Variants in SLC25A26 observed in about 807,000 individuals in gnomAD.
SLC25A26 encodes the protein solute carrier family 25 member 26.
SLC25A26 carries 36 observed loss-of-function variants against 37.8 expected under a neutral mutation model. That is an observed-to-expected ratio of 0.95 (90% confidence interval 0.73 to 1.26). The LOEUF (loss-of-function observed/expected upper bound fraction) is 1.26, where lower values mean the gene tolerates loss of function less well. SLC25A26 is among the 50% of genes most tolerant of loss of function. The pLI, the probability that SLC25A26 is intolerant of heterozygous loss-of-function variation, is 0.00. For missense variants in SLC25A26, 390 were observed against 331.1 expected (o/e 1.18, Z -1.38); for synonymous variants, 129 against 122.5 (o/e 1.05, Z -0.35).
chr3:66,207,886 C>T (rs2071201307), intron 1 of SLC25A26, among the ~76,000 whole-genome samples: 1 of 152,090 alleles, frequency 6.6e-6, no homozygotes, highest in Non-Finnish European at 1.5e-5. Context: ...ATTGCTATTA[C>T]CCAATTGTTG....
At chr3:66,288,642 C>G (rs2074597483) in intron 5 of SLC25A26, among the ~76,000 whole-genome samples, 1 of 152,112 alleles carries the variant, frequency 6.6e-6, no homozygotes, top group Non-Finnish European at 1.5e-5. Flanking sequence ...CATGTCCCTG[C>G]AAAGGACATG....
intron 1 of SLC25A26, among the ~76,000 whole-genome samples, chr3:66,147,061 T>TCCCTCCCCTTCCCTTCCCTC (rs1559550336): frequency 1.5e-5 from 1 of 68,566 alleles, no homozygotes; most frequent in Non-Finnish European, 2.8e-5. Context: ...TCCCTTCCCT[T>TCCCTCCCCTTCCCTTCCCTC]CCCTCCCCTT....
chr3:66,293,335 C>G (rs1482481957), intron 5 of SLC25A26: 1 of 152,038 alleles, frequency 6.6e-6, no homozygotes, highest in Non-Finnish European at 1.5e-5. Context: ...ATCATATACA[C>G]CAAACACCCC....
At chr3:66,334,302 CTTTG>C (rs1419881490) in intron 5 of SLC25A26, among the ~76,000 whole-genome samples, 2 of 151,728 alleles carry the variant, frequency 1.3e-5, no homozygotes, top group Non-Finnish European at 2.9e-5. Flanking sequence ...TGAACAGAAG[CTTTG>C]TTTGTTTCTT....
intron 5 of SLC25A26, among the ~76,000 whole-genome samples, chr3:66,344,226 G>C (rs1362419438): frequency 2.0e-5 from 3 of 152,048 alleles, no homozygotes; most frequent in African/African-American, 7.3e-5. Context: ...ACAATACCAG[G>C]CCAAGGTGGG....
chr3:66,177,694 T>G lies in SLC25A26; in HGVS notation c.-353-43048T>G, dbSNP rs895443648. ...GACCTGAACACTGTATGAAACCACC[T>G]TAGGTTGTGGACTCATCCTTTGAAG... is the stretch of plus-strand genomic sequence containing the variant. On this transcript the variant is annotated intron_variant, in intron 1 of 10. Coordinates refer to the SLC25A26 transcript ENST00000676754. Among the ~76,000 whole-genome samples, 11 of 152,222 alleles carry G rather than the reference T, an allele frequency of 7.2e-5. No homozygotes were observed. The South Asian group carries it at 1.2e-3, about 17-fold the overall frequency.
At chr3:66,358,723 C>T (rs1016138121) in intron 6 of SLC25A26, among the ~76,000 whole-genome samples, 2 of 152,172 alleles carry the variant, frequency 1.3e-5, no homozygotes, top group Non-Finnish European at 2.9e-5. Flanking sequence ...AACTCTTGGC[C>T]TCAAGTGATC....
intron 5 of SLC25A26, among the ~76,000 whole-genome samples, chr3:66,344,931 A>G (rs963439517): frequency 2.4e-4 from 36 of 152,184 alleles, no homozygotes; most frequent in African/African-American, 8.7e-4. Context: ...GGCGTTACAC[A>G]GCGTCTTTGA....
At chr3:66,156,278 G>A (rs997774848) in intron 1 of SLC25A26, among the ~76,000 whole-genome samples, 6 of 152,186 alleles carry the variant, frequency 3.9e-5, no homozygotes, top group African/African-American at 9.7e-5. Flanking sequence ...AGATGCTGGG[G>A]TTACAGCAGT....
In SLC25A26 at chr3:66,274,065, G is replaced by C. The variant is rs547777579; in HGVS notation, c.453+10686G>C. On this transcript the variant is annotated intron_variant, in intron 5 of 9. Transcript: ENST00000354883. ...ACCAAAACAGAGATATAGATCAGTG[G>C]AACAGAACAGAGCCCTCAGAAATAA... Among the ~76,000 whole-genome samples, 16 of 152,206 alleles carry C rather than the reference G, an allele frequency of 1.1e-4. No individual in the cohort carries two copies. The East Asian group carries it at 2.5e-3, about 24-fold the overall frequency.
intron 1 of SLC25A26, among the ~76,000 whole-genome samples, chr3:66,183,569 G>A (rs2070758457): frequency 6.6e-6 from 1 of 151,654 alleles, no homozygotes; most frequent in Admixed American, 6.6e-5. Context: ...GTTGACCCTG[G>A]ACATATACCT....
At chr3:66,319,962 G>A (rs1478836956) in intron 5 of SLC25A26, among the ~76,000 whole-genome samples, 1 of 151,820 alleles carries the variant, frequency 6.6e-6, no homozygotes, top group African/African-American at 2.4e-5. Flanking sequence ...GGTCAGGCTG[G>A]TCTCAAACTC....
At chr3:66,228,533 CTT>C (rs923575646) in intron 1 of SLC25A26, among the ~76,000 whole-genome samples, 19 of 152,204 alleles carry the variant, frequency 1.2e-4, no homozygotes, top group African/African-American at 4.3e-4. Flanking sequence ...AATCAGGTGT[CTT>C]TTACATGCTT....
chr3:66,360,306 A>T (rs2076668294), intron 6 of SLC25A26, among the ~76,000 whole-genome samples: 1 of 152,200 alleles, frequency 6.6e-6, no homozygotes, highest in African/African-American at 2.4e-5. Context: ...CATTTAAATT[A>T]ATATATTAAA....
At chr3:66,159,945 C>T (rs1027534783) in intron 1 of SLC25A26, among the ~76,000 whole-genome samples, 1 of 152,064 alleles carries the variant, frequency 6.6e-6, no homozygotes, top group Non-Finnish European at 1.5e-5. Context: ...TGGGTCTTGG[C>T]CCTGATTCGC....
intron 3 of SLC25A26, among the ~76,000 whole-genome samples, chr3:66,247,829 C>G (rs55835108): frequency 0.045 from 6,898 of 152,136 alleles, 182 homozygotes; most frequent in Non-Finnish European, 0.061. Flanking sequence ...AGAAGATAAA[C>G]TTTTGATTTC....
At chr3:66,265,275 C>G (rs551544871) in intron 5 of SLC25A26, among the ~76,000 whole-genome samples, 2 of 151,646 alleles carry the variant, frequency 1.3e-5, no homozygotes, top group African/African-American at 2.4e-5. Flanking sequence ...CCACTGCACT[C>G]CAGCCTGGGT....
intron 5 of SLC25A26, among the ~76,000 whole-genome samples, chr3:66,344,742 A>G (rs534067144): frequency 1.3e-5 from 2 of 152,352 alleles, no homozygotes; most frequent in South Asian, 2.1e-4. Context: ...GTGTTAAGAC[A>G]TTTTTATCTT....
chr3:66,183,970 T>C (rs2070766044), intron 1 of SLC25A26, among the ~76,000 whole-genome samples: 1 of 152,024 alleles, frequency 6.6e-6, no homozygotes, highest in East Asian at 1.9e-4. Flanking sequence ...TAATTTTCAT[T>C]CTCACACTGG....
Sources: allele counts gnomAD v4.1 joint callset (sites outside exome capture counted in the v4.1 genomes callset), GRCh38; gene constraint gnomAD v4.1.1; transcripts MANE v1.5; gene names NCBI Gene and HGNC (gene_info 2026-07-23, HGNC 2026-07-21).